CSMD3: variants seen among roughly 807,000 people sequenced by gnomAD.
The protein encoded by CSMD3 is CUB and Sushi multiple domains 3.
CSMD3 carries 177 observed loss-of-function variants against 435.2 expected under a neutral mutation model. The ratio of observed to expected loss-of-function variants is 0.41; its 90% CI spans 0.36 to 0.46. The LOEUF is 0.46. CSMD3 is among the 20% of genes least tolerant of loss of function. The pLI, the probability that CSMD3 is intolerant of heterozygous loss-of-function variation, is 0.34. For missense variants in CSMD3, 4,265 were observed against 4,504.6 expected (o/e 0.95, Z 1.52); for synonymous variants, 1,656 against 1,520.5 (o/e 1.09, Z -2.07).
intron 1 of CSMD3, among the ~76,000 whole-genome samples, chr8:113,427,486 T>TA (rs56128600): frequency 0.024 from 3,043 of 128,908 alleles, 48 homozygotes; most frequent in Middle Eastern, 0.051. Flanking sequence ...CAATTATGTC[T>TA]AAAAAAAAAA....
chr8:112,970,179 AAATCATGTCATTAC>A (rs1330495045), intron 7 of CSMD3, among the ~76,000 whole-genome samples: 2 of 152,058 alleles, frequency 1.3e-5, no homozygotes, highest in Non-Finnish European at 2.9e-5. Context: ...ATTATTTCTA[AAATCATGTCATTAC>A]ATAGGTTCTT....
chr8:112,777,643 T>A (rs2132228095), intron 13 of CSMD3, among the ~76,000 whole-genome samples: 1 of 151,964 alleles, frequency 6.6e-6, no homozygotes, highest in African/African-American at 2.4e-5. Context: ...CACGACTGAA[T>A]TAAAAGACAG....
chr8:113,322,535 TAAG>T (rs944387024), intron 1 of CSMD3, among the ~76,000 whole-genome samples: 1 of 152,224 alleles, frequency 6.6e-6, no homozygotes, highest in Non-Finnish European at 1.5e-5. Flanking sequence ...ACTTGTTTCA[TAAG>T]AAGCATCATT....
chr8:113,366,387 T>G (rs2094311607), intron 1 of CSMD3, among the ~76,000 whole-genome samples: 1 of 152,010 alleles, frequency 6.6e-6, no homozygotes, highest in Non-Finnish European at 1.5e-5. Flanking sequence ...CCATTAAATT[T>G]CCATGTTGAT....
At chr8:113,073,473 G>A (rs1179726024) in intron 5 of CSMD3, among the ~76,000 whole-genome samples, 1 of 151,726 alleles carries the variant, frequency 6.6e-6, no homozygotes, top group East Asian at 1.9e-4. Flanking sequence ...TTCCTATAAG[G>A]CAACCCCCTG....
chr8:112,879,129 T>C (rs1203586337), intron 10 of CSMD3, among the ~76,000 whole-genome samples: 1 of 152,066 alleles, frequency 6.6e-6, no homozygotes, highest in African/African-American at 2.4e-5. Flanking sequence ...ATTTCCCTTA[T>C]TGCCCAAAAT....
intron 7 of CSMD3, among the ~76,000 whole-genome samples, chr8:112,963,170 G>A (rs1264416908): frequency 1.3e-5 from 2 of 151,876 alleles, no homozygotes; most frequent in East Asian, 3.9e-4. Flanking sequence ...AAGGGCATTT[G>A]TCTTTTAATG....
chr8:112,310,450 A>G (rs1487906128), intron 50 of CSMD3: 1 of 161,982 alleles, frequency 6.2e-6, no homozygotes, highest in African/African-American at 2.4e-5. Context: ...TCGACTTTTG[A>G]CAAAATACAA....
intron 15 of CSMD3, among the ~76,000 whole-genome samples, 162 bp from the exon 16 acceptor site, chr8:112,682,798 C>T (rs944193271): frequency 6.6e-6 from 1 of 152,050 alleles, no homozygotes; most frequent in Non-Finnish European, 1.5e-5. Flanking sequence ...TGGAGGTTCT[C>T]CTCTGACCTT....
At chr8:112,593,879 T>C (rs1168837385) in intron 22 of CSMD3, among the ~76,000 whole-genome samples, 2 of 152,312 alleles carry the variant, frequency 1.3e-5, no homozygotes, top group Admixed American at 1.3e-4. Context: ...TCAGGGGTGA[T>C]ACAGGTTTGA....
chr8:112,292,462 G>T, intron 55 of CSMD3, 75 bp downstream of exon 55: 1 of 1,476,262 alleles, frequency 6.8e-7, no homozygotes, highest in Non-Finnish European at 9.5e-7. Flanking sequence ...TGCTCAAGCT[G>T]TTTTAAGTGT....
chr8:113,394,740 A>G (rs953983691), intron 1 of CSMD3, among the ~76,000 whole-genome samples: 1 of 152,196 alleles, frequency 6.6e-6, no homozygotes, highest in Non-Finnish European at 1.5e-5. Flanking sequence ...TGACATCAAC[A>G]TGTACATGAA....
rs184547869 is a variant in CSMD3 at position 112,506,933 on chromosome 8, T to A, written c.4757-104A>T. ...CTCTAAAAGAGCTTATGAGGCTTTG[T>A]ACAGACCTGAATTTTATAGTACTTG... On this transcript the variant is annotated intron_variant, in intron 28 of 70. Coordinates refer to ENST00000297405, the MANE Select transcript of CSMD3 (RefSeq NM_198123.2). 54 of 989,630 alleles carry A rather than the reference T, an allele frequency of 5.5e-5. No homozygotes were observed. The Admixed American group carries it at 5.5e-4, about 10-fold the overall frequency. 61.3% of individuals were successfully genotyped at this position (989,630 alleles called of 1,614,324 possible).
At chr8:113,380,912 A>G (rs2094412318) in intron 1 of CSMD3, among the ~76,000 whole-genome samples, 1 of 152,234 alleles carries the variant, frequency 6.6e-6, no homozygotes, top group South Asian at 2.1e-4. Flanking sequence ...AAAAGAAAAA[A>G]AAATGAATAA....
chr8:112,828,470 C>G (rs2079764768), intron 12 of CSMD3, among the ~76,000 whole-genome samples: 1 of 152,078 alleles, frequency 6.6e-6, no homozygotes, highest in African/African-American at 2.4e-5. Context: ...CTCTCTCTCT[C>G]TTTCTCTCCT....
chr8:112,999,407 C>A (rs573927027), intron 6 of CSMD3, among the ~76,000 whole-genome samples: 1 of 151,636 alleles, frequency 6.6e-6, no homozygotes, highest in Non-Finnish European at 1.5e-5. Flanking sequence ...ATTTTGAGGA[C>A]CAGCAAGGAT....
intron 1 of CSMD3, among the ~76,000 whole-genome samples, chr8:113,426,180 G>A (rs777120789): frequency 4.0e-5 from 6 of 151,292 alleles, no homozygotes; most frequent in Non-Finnish European, 5.9e-5. Flanking sequence ...GAAAATGCAG[G>A]TAGCTCAGCA....
At chr8:112,430,422 G>T (rs1019335877) in intron 32 of CSMD3, among the ~76,000 whole-genome samples, 3 of 152,000 alleles carry the variant, frequency 2.0e-5, no homozygotes, top group Non-Finnish European at 4.4e-5. Context: ...CACTATATAT[G>T]CCAGATACTG....
chr8:113,072,928 C>T (rs1200717560), intron 5 of CSMD3, among the ~76,000 whole-genome samples: 1 of 151,728 alleles, frequency 6.6e-6, no homozygotes, highest in Admixed American at 6.6e-5. Flanking sequence ...CACATTCACT[C>T]CATCCTTACT....
Sources: allele counts gnomAD v4.1 joint callset (sites outside exome capture counted in the v4.1 genomes callset), GRCh38; gene constraint gnomAD v4.1.1; transcripts MANE v1.5; gene names NCBI Gene and HGNC (gene_info 2026-07-23, HGNC 2026-07-21).